Variants in PACSIN2 observed in about 807,000 individuals in gnomAD.
PACSIN2 encodes the protein protein kinase C and casein kinase substrate in neurons protein 2.
A neutral mutation model predicts 63.8 loss-of-function variants in PACSIN2; 25 were observed. That is an observed-to-expected ratio of 0.39 (90% confidence interval 0.29 to 0.55). PACSIN2 has a LOEUF of 0.55. Ranked by LOEUF, PACSIN2 falls within the 20% of genes least tolerant of loss-of-function variation. The pLI, the probability that PACSIN2 is intolerant of heterozygous loss-of-function variation, is 0.62. For synonymous variants in PACSIN2, 255 were observed against 256.2 expected, an observed-to-expected ratio of 1.00 and a Z score of 0.05; for missense variants, 518 against 646.9, an observed-to-expected ratio of 0.80 and a Z score of 2.16.
intron 10 of PACSIN2, among the ~76,000 whole-genome samples, chr22:42,873,396 A>C (rs1174852110): frequency 6.6e-6 from 1 of 152,158 alleles, no homozygotes; most frequent in Non-Finnish European, 1.5e-5. Context: ...AAACAAAAAA[A>C]CCCAACTTCT....
intron 5 of PACSIN2, among the ~76,000 whole-genome samples, chr22:42,887,904 A>G (rs77831663): frequency 0.015 from 2,273 of 152,174 alleles, 70 homozygotes; most frequent in African/African-American, 0.053. Context: ...TCCTTGGCCA[A>G]AGACCACCCT....
intron 1 of PACSIN2, among the ~76,000 whole-genome samples, chr22:42,966,978 A>G (rs890550824): frequency 6.6e-6 from 1 of 152,180 alleles, no homozygotes; most frequent in African/African-American, 2.4e-5. Flanking sequence ...AATATTTTTC[A>G]GCACTGTCCA....
At chr22:42,891,587 A>G (rs550800307) in intron 3 of PACSIN2, among the ~76,000 whole-genome samples, 58 of 152,230 alleles carry the variant, frequency 3.8e-4, no homozygotes, top group Admixed American at 3.5e-3. Context: ...TTTTTAGTAG[A>G]GACGGGGTTT....
rs948280288 is a variant in PACSIN2, at chr22:42,879,424, C to T, written c.907-255G>A. 2.0e-5 allele frequency among the ~76,000 whole-genome samples: 3 copies of T among 152,374 alleles called. No homozygotes were observed. In the East Asian group the frequency reaches 5.8e-4, roughly 29 times the overall value. ...GGGGATCTGGAGGCTTGCACCTCTA[C>T]AACCACCCCCAGGCCATGCTGCCCA... On this transcript the variant is annotated intron_variant, in intron 7 of 10. Transcript: ENST00000263246.
intron 4 of PACSIN2, 144 bp from the exon 5 acceptor site, chr22:42,888,942 C>G: frequency 1.3e-6 from 1 of 756,028 alleles, no homozygotes; most frequent in Non-Finnish European, 2.3e-6. Flanking sequence ...ATCATAGCAA[C>G]CAGTCACAAC....
At chr22:42,982,865 T>TTAAAA (rs1922282975) in intron 1 of PACSIN2, among the ~76,000 whole-genome samples, 1 of 25,876 alleles carries the variant, frequency 3.9e-5, no homozygotes, top group African/African-American at 1.7e-4. Context: ...CAAAGAATGA[T>TTAAAA]CAATAAAAAA....
intron 1 of PACSIN2, among the ~76,000 whole-genome samples, chr22:42,929,414 C>G (rs1932729608): frequency 6.6e-6 from 1 of 152,230 alleles, no homozygotes; most frequent in South Asian, 2.1e-4. Context: ...CCCAGGACTT[C>G]TCATTGAAGA....
At position 42,870,396 on chromosome 22, in the gene PACSIN2, C is replaced by T. The variant is rs113339314; in HGVS notation, c.*961G>A. ...CCACAGACTTCAAGCAGTTTACAAACGAAACTCACTGTTAAAAGCTGTTAA... is the reference window on the plus strand; with the variant it reads ...CCACAGACTTCAAGCAGTTTACAAATGAAACTCACTGTTAAAAGCTGTTAA... On this transcript the variant is annotated 3_prime_UTR_variant, in exon 11 of 11. Transcript: ENST00000263246. 2.0e-5 allele frequency: 3 copies of T among 152,226 alleles called. No individual in the cohort carries two copies. The highest frequency in any genetic ancestry group is 2.9e-5 in the Non-Finnish European group (2 of 68,018). 9.4% of individuals were successfully genotyped at this position (152,226 alleles called of 1,614,324 possible). A position where few individuals can be genotyped will look rare whatever the true frequency, so the allele number is the denominator to read the frequency against.
intron 1 of PACSIN2, among the ~76,000 whole-genome samples, chr22:43,011,501 G>C (rs776974389): frequency 1.3e-5 from 2 of 152,190 alleles, no homozygotes; most frequent in Non-Finnish European, 2.9e-5. Context: ...GAAACTTTTC[G>C]ATCTGTTTGA....
chr22:42,977,974 G>T (rs1396677671), intron 1 of PACSIN2, among the ~76,000 whole-genome samples: 1 of 152,124 alleles, frequency 6.6e-6, no homozygotes, highest in Non-Finnish European at 1.5e-5. Flanking sequence ...TAATACAGGG[G>T]TACTCATACA....
intron 3 of PACSIN2, among the ~76,000 whole-genome samples, chr22:42,891,765 G>C (rs956387204): frequency 6.6e-6 from 1 of 152,190 alleles, no homozygotes; most frequent in African/African-American, 2.4e-5. Flanking sequence ...CCACATCTTA[G>C]AAGTCTTAAT....
intron 1 of PACSIN2, among the ~76,000 whole-genome samples, chr22:42,913,682 A>G (rs1281067075): frequency 1.3e-5 from 2 of 152,168 alleles, no homozygotes; most frequent in Non-Finnish European, 1.5e-5. Context: ...TTATTATTGC[A>G]TAGTAATTAT....
chr22:42,940,507 A>G (rs541834631), intron 1 of PACSIN2, among the ~76,000 whole-genome samples: 22 of 152,344 alleles, frequency 1.4e-4, no homozygotes, highest in Non-Finnish European at 2.8e-4. Context: ...GGGGGAAAGA[A>G]GCCCAGTCTC....
rs1260627815 is a variant in PACSIN2, at chr22:42,888,740, G to A, written c.512C>T (p.Ser171Leu). ...GTCTGCCTTGCTGTTGGCTTCTCGT[G>A]AGATAGCCAGCTTCTCCTCTTTGCA... ...AACKEEKLAI[S>L]REANSKADPS... The change falls in exon 5 of 11, where the codon TCA (serine) becomes TTA (leucine). Residue 171 changes from serine (S) to leucine (L), a missense_variant. Ser to Leu is a moderately radical substitution (Grantham distance 145). Around this residue, in one of 2 missense-constraint regions of PACSIN2, gnomAD observed 507 missense variants for 612.3 expected, o/e 0.83. Coordinates refer to ENST00000263246, the MANE Select transcript of PACSIN2 (RefSeq NM_001184970.3). 1.2e-6 allele frequency: 2 copies of A among 1,613,932 alleles called. No individual in the cohort carries two copies. Among genetic ancestry groups the A allele is most frequent in the Non-Finnish European group, 1.7e-6 (2 of 1,179,802 alleles).
chr22:42,976,364 A>C (rs1045206916), intron 1 of PACSIN2, among the ~76,000 whole-genome samples: 3 of 152,242 alleles, frequency 2.0e-5, no homozygotes, highest in Admixed American at 6.5e-5. Context: ...CGCAGGCCTT[A>C]ATGCACACTT....
intron 1 of PACSIN2, among the ~76,000 whole-genome samples, chr22:42,999,057 G>A (rs1418397521): frequency 1.3e-5 from 2 of 152,122 alleles, no homozygotes; most frequent in Non-Finnish European, 2.9e-5. Flanking sequence ...CTTCCTGGAC[G>A]CCAGATAATT....
At chr22:42,968,376 G>C (rs1163045036) in intron 1 of PACSIN2, among the ~76,000 whole-genome samples, 1 of 152,170 alleles carries the variant, frequency 6.6e-6, no homozygotes, top group East Asian at 1.9e-4. Context: ...GTGGTGCCAA[G>C]CATTCCAGGA....
chr22:42,921,885 C>T (rs562720799), intron 1 of PACSIN2, among the ~76,000 whole-genome samples: 10 of 152,150 alleles, frequency 6.6e-5, no homozygotes, highest in South Asian at 4.2e-4. Context: ...ATTACAGGCG[C>T]TCACCACCAT....
chr22:43,010,408 A>ATATAT (rs1555950833), intron 1 of PACSIN2, among the ~76,000 whole-genome samples: 1 of 120,544 alleles, frequency 8.3e-6, no homozygotes, highest in African/African-American at 3.7e-5. Context: ...ATTTTTTTTT[A>ATATAT]ATTGAAAATA....
Sources: allele counts gnomAD v4.1 joint callset (sites outside exome capture counted in the v4.1 genomes callset), GRCh38; gene constraint gnomAD v4.1.1; regional missense constraint gnomAD v4.1.1; transcripts MANE v1.5; gene names NCBI Gene and HGNC (gene_info 2026-07-23, HGNC 2026-07-21).